GPR141: variants seen among roughly 807,000 people sequenced by gnomAD.
GPR141 encodes the protein probable G protein-coupled receptor 141.
Under a neutral mutation model 6.8 loss-of-function variants are expected in GPR141, and 6 were observed. That is an observed-to-expected ratio of 0.88 (90% CI 0.48 to 1.74). The LOEUF (loss-of-function observed/expected upper bound fraction) is 1.74. Among genes scored for constraint, GPR141 ranks in the 40% most tolerant of loss-of-function variants. GPR141 has a pLI of 0.01. For synonymous variants in GPR141, 140 were observed against 142.3 expected (o/e 0.98, Z 0.11); for missense variants, 372 against 372.9 (o/e 1.00, Z 0.02).
Position 37,741,003 on chromosome 7 carries a change from A to G in GPR141, c.610A>G (p.Ile204Val), listed in dbSNP as rs146529395. 9 of 1,613,916 alleles carry G rather than the reference A, an allele frequency of 5.6e-6. No individual in the cohort carries two copies. Among genetic ancestry groups the G allele is most frequent in the Non-Finnish European group, 7.6e-6 (9 of 1,179,966 alleles). ...TCTGTTGGTCTTCCAGGTCTTCATCATTATGTTGATGGTGCAGAAGCTACG... is the reference window on the plus strand; with the variant it reads ...TCTGTTGGTCTTCCAGGTCTTCATCGTTATGTTGATGGTGCAGAAGCTACG... ...VILLVFQVFI[I>V]MLMVQKLRHS... Residue 204 changes from isoleucine to valine, a missense_variant, in exon 3 of 3, where the codon ATT becomes GTT. Ile to Val is a conservative substitution (Grantham distance 29). Coordinates refer to ENST00000334425, the MANE Select transcript of GPR141 (RefSeq NM_001381946.1).
At chr7:37,714,558 G>A (rs1810959430) in intron 2 of GPR141, among the ~76,000 whole-genome samples, 1 of 152,052 alleles carries the variant, frequency 6.6e-6, no homozygotes, top group Non-Finnish European at 1.5e-5. Context: ...TGTTACTAGT[G>A]GTCGTTTACC....
At chr7:37,694,260 C>T (rs939308318) in intron 2 of GPR141, among the ~76,000 whole-genome samples, 27 of 152,234 alleles carry the variant, frequency 1.8e-4, no homozygotes, top group Non-Finnish European at 2.9e-4. Flanking sequence ...GGTGCAGCAG[C>T]AAGTGGGAGG....
At chr7:37,711,670 A>G (rs1373197948) in intron 2 of GPR141, among the ~76,000 whole-genome samples, 1 of 152,214 alleles carries the variant, frequency 6.6e-6, no homozygotes, top group African/African-American at 2.4e-5. Context: ...AAACACTGCT[A>G]GGTATCTTTA....
chr7:37,689,873 TA>T (rs1386913641), intron 2 of GPR141, among the ~76,000 whole-genome samples: 1 of 152,070 alleles, frequency 6.6e-6, no homozygotes, highest in African/African-American at 2.4e-5. Context: ...TTTCTCTTGT[TA>T]TTTTTTTTCA....
chr7:37,728,781 T>G (rs1165024092), intron 2 of GPR141, among the ~76,000 whole-genome samples: 1 of 152,094 alleles, frequency 6.6e-6, no homozygotes, highest in South Asian at 2.1e-4. Flanking sequence ...AAGAGAATCA[T>G]GCAGGCAGGA....
At chr7:37,689,160 G>A (rs1226523895) in intron 2 of GPR141, among the ~76,000 whole-genome samples, 1 of 151,982 alleles carries the variant, frequency 6.6e-6, no homozygotes, top group Admixed American at 6.6e-5. Context: ...CATGGCTTTT[G>A]TCTTTCATTC....
intron 2 of GPR141, among the ~76,000 whole-genome samples, chr7:37,720,904 C>A (rs796084105): frequency 1.3e-5 from 2 of 152,206 alleles, no homozygotes; most frequent in African/African-American, 4.8e-5. Context: ...CTTGAGTAGG[C>A]CTGTTTTAAT....
rs540939779 is a variant in GPR141 at position 37,737,480 on chromosome 7, A to G, written c.-14-2900A>G. On this transcript the variant is annotated intron_variant, in intron 2 of 2. Coordinates refer to ENST00000334425, the MANE Select transcript of GPR141 (RefSeq NM_001381946.1). ...TTGTCAAATGGTCTAATCCAAGGTTATACAACTTGCGGCCCATGGGCCACA... is the reference window on the plus strand; with the variant it reads ...TTGTCAAATGGTCTAATCCAAGGTTGTACAACTTGCGGCCCATGGGCCACA... Among the ~76,000 whole-genome samples, 8 of 152,340 alleles carry G rather than the reference A, an allele frequency of 5.3e-5. No homozygotes were observed. In the East Asian group the frequency reaches 1.5e-3, roughly 29 times the overall value.
At chr7:37,706,530 C>T (rs1339236960) in intron 2 of GPR141, among the ~76,000 whole-genome samples, 1 of 152,098 alleles carries the variant, frequency 6.6e-6, no homozygotes, top group Admixed American at 6.5e-5. Context: ...GAATATCTTC[C>T]CTGACCCCCC....
intron 2 of GPR141, among the ~76,000 whole-genome samples, chr7:37,696,693 T>C (rs996756732): frequency 3.2e-4 from 49 of 152,234 alleles, no homozygotes; most frequent in African/African-American, 1.1e-3. Context: ...TTTAATCTTA[T>C]TATTTGGTTG....
chr7:37,711,383 A>G (rs143369389), intron 2 of GPR141, among the ~76,000 whole-genome samples: 67 of 152,300 alleles, frequency 4.4e-4, no homozygotes, highest in African/African-American at 1.4e-3. Context: ...CAGCCCTGCT[A>G]AAGTAGAGAT....
rs760448482 is a variant in GPR141 at position 37,740,465 on chromosome 7, C to T, written c.72C>T (p.Tyr24=). The part of the protein sequence containing the change: ...PIVTPHLISL[Y]FIVLIGGLVG... The stretch of plus-strand genomic sequence containing the variant: ...TGACACCCCACTTAATCAGCCTCTA[C>T]TTCATAGTGCTTATTGGCGGGCTGG... Residue 24 remains tyrosine, a synonymous_variant, in exon 3 of 3, where the codon TAC becomes TAT. Coordinates refer to ENST00000334425, the MANE Select transcript of GPR141 (RefSeq NM_001381946.1). 8 of 1,613,898 alleles carry T rather than the reference C, an allele frequency of 5.0e-6. 1 individual carries two copies. In the African/African-American group the frequency reaches 6.7e-5, roughly 13 times the overall value.
chr7:37,687,169 A>C (rs898884214), intron 2 of GPR141, among the ~76,000 whole-genome samples: 19 of 151,920 alleles, frequency 1.3e-4, no homozygotes, highest in African/African-American at 4.4e-4. Flanking sequence ...TCCCACAGCT[A>C]CCCAGGGCAG....
At chr7:37,727,962 T>C (rs1053423974) in intron 2 of GPR141, among the ~76,000 whole-genome samples, 12 of 152,340 alleles carry the variant, frequency 7.9e-5, no homozygotes, top group African/African-American at 2.9e-4. Context: ...TCTCCTAATA[T>C]GTCAAATGTT....
At chr7:37,683,928 G>C (rs1387066082) in intron 1 of GPR141, 25 bp downstream of exon 1, 2 of 150,794 alleles carry the variant, frequency 1.3e-5, no homozygotes, top group Non-Finnish European at 2.9e-5. Context: ...CTTAGGTTTG[G>C]GGAGACATGA....
At chr7:37,733,375 A>C (rs1284173165) in intron 2 of GPR141, among the ~76,000 whole-genome samples, 2 of 152,154 alleles carry the variant, frequency 1.3e-5, no homozygotes, top group Admixed American at 6.5e-5. Flanking sequence ...GAGGAAAACC[A>C]CAGATAAGTA....
At chr7:37,715,202 C>T (rs1436847943) in intron 2 of GPR141, among the ~76,000 whole-genome samples, 1 of 152,132 alleles carries the variant, frequency 6.6e-6, no homozygotes, top group South Asian at 2.1e-4. Flanking sequence ...CGCACTGCAG[C>T]CTTGAACTCC....
At chr7:37,704,228 T>C (rs575528715) in intron 2 of GPR141, among the ~76,000 whole-genome samples, 3 of 150,422 alleles carry the variant, frequency 2.0e-5, no homozygotes, top group Admixed American at 6.6e-5. Flanking sequence ...TTCTCTGGAG[T>C]TGATTTTTTT....
At chr7:37,695,617 T>C (rs1000916348) in intron 2 of GPR141, among the ~76,000 whole-genome samples, 1 of 152,188 alleles carries the variant, frequency 6.6e-6, no homozygotes, top group South Asian at 2.1e-4. Flanking sequence ...GTATCCTAAG[T>C]TTCCGTGTTC....
Sources: allele counts gnomAD v4.1 joint callset (sites outside exome capture counted in the v4.1 genomes callset), GRCh38; gene constraint gnomAD v4.1.1; transcripts MANE v1.5; gene names NCBI Gene and HGNC (gene_info 2026-07-23, HGNC 2026-07-21).